Variants in GPM6A observed in about 807,000 individuals in gnomAD.
GPM6A encodes the protein neuronal membrane glycoprotein M6-a.
Under a neutral mutation model 32.1 loss-of-function variants are expected in GPM6A, and 7 were observed. The observed-to-expected ratio is 0.22, with a 90% CI of 0.12 to 0.41. The LOEUF is 0.41. Among genes scored for constraint, GPM6A ranks in the 10% least tolerant of loss-of-function variants. The probability of loss-of-function intolerance (pLI) is 1.00; values close to 1 mark genes in which losing one functional copy is unlikely to be tolerated. For missense variants in GPM6A, 235 were observed against 347.2 expected (o/e 0.68, Z 2.57); for synonymous variants, 130 against 123.4 (o/e 1.05, Z -0.35).
chr4:175,880,921 T>G (rs1022338189), intron 1 of GPM6A, among the ~76,000 whole-genome samples: 1 of 152,136 alleles, frequency 6.6e-6, no homozygotes, highest in Non-Finnish European at 1.5e-5. Context: ...TCCAACACTA[T>G]GTTGAATAGG....
chr4:175,721,032 C>CATATAT lies in GPM6A; in HGVS notation c.38-19271_38-19266dup, dbSNP rs954188098. Reference sequence around the variant, plus strand: ...TTTCTAGTATATATATATACTAGTACATATATATTATATATATATATGTAC... The same window carrying CATATAT: ...TTTCTAGTATATATATATACTAGTACATATATATATATATTATATATATATATGTAC... On this transcript the variant is annotated intron_variant, in intron 1 of 6. Coordinates refer to ENST00000393658, the MANE Select transcript of GPM6A (RefSeq NM_201591.3). Among the ~76,000 whole-genome samples the CATATAT allele has an allele frequency of 2.5e-5, 3 of 118,432 alleles. No individual in the cohort carries two copies. The East Asian group carries it at 6.9e-4, about 27-fold the overall frequency. The allele number at this position is 118,432 out of a possible 152,430, so 77.7% of individuals were successfully genotyped here.
At chr4:175,754,333 A>C (rs1463033497) in intron 1 of GPM6A, among the ~76,000 whole-genome samples, 1 of 152,128 alleles carries the variant, frequency 6.6e-6, no homozygotes, top group Non-Finnish European at 1.5e-5. Flanking sequence ...GAGAGGGATT[A>C]AGGTATTGAA....
chr4:175,812,453 T>A (rs1345802061), upstream of GPM6A: 5 of 1,271,608 alleles, frequency 3.9e-6, no homozygotes, highest in Non-Finnish European at 4.9e-6. Context: ...TCATTCAAAT[T>A]ACTCTTCCGT....
At chr4:175,893,001 C>T (rs2111478957) in intron 1 of GPM6A, among the ~76,000 whole-genome samples, 1 of 152,288 alleles carries the variant, frequency 6.6e-6, no homozygotes, top group East Asian at 1.9e-4. Context: ...GACCACTGTT[C>T]TGCTCCCTTT....
chr4:175,661,529 T>C (rs1742416458), intron 3 of GPM6A, among the ~76,000 whole-genome samples: 1 of 152,046 alleles, frequency 6.6e-6, no homozygotes, highest in African/African-American at 2.4e-5. Flanking sequence ...CATGCTAAAA[T>C]GTAATTATTG....
chr4:175,943,607 C>G (rs1739487446), intron 1 of GPM6A, among the ~76,000 whole-genome samples: 1 of 152,182 alleles, frequency 6.6e-6, no homozygotes, highest in East Asian at 1.9e-4. Context: ...TGAATTTTAT[C>G]GAAGGCCTTT....
chr4:175,757,644 T>G (rs1015019502), intron 1 of GPM6A, among the ~76,000 whole-genome samples: 3 of 152,136 alleles, frequency 2.0e-5, no homozygotes, highest in African/African-American at 7.2e-5. Flanking sequence ...CAACCCATCA[T>G]GTACACAATC....
intron 1 of GPM6A, among the ~76,000 whole-genome samples, chr4:175,785,244 C>G (rs922321881): frequency 6.6e-6 from 1 of 152,130 alleles, no homozygotes; most frequent in African/African-American, 2.4e-5. Context: ...GGAATTCTGG[C>G]GCGGAGTCTC....
intron 1 of GPM6A, among the ~76,000 whole-genome samples, chr4:175,993,909 TG>T (rs1377380065): frequency 6.6e-6 from 1 of 152,226 alleles, no homozygotes; most frequent in African/African-American, 2.4e-5. Context: ...GCAACTTACT[TG>T]TAGCTTTACC....
chr4:175,893,877 GT>G (rs1216977410), intron 1 of GPM6A, among the ~76,000 whole-genome samples: 1 of 151,912 alleles, frequency 6.6e-6, no homozygotes, highest in East Asian at 1.9e-4. Context: ...CTAAAACTCG[GT>G]AAGAAAAAGC....
chr4:175,724,477 G>A (rs1171658712), intron 1 of GPM6A, among the ~76,000 whole-genome samples: 2 of 152,140 alleles, frequency 1.3e-5, no homozygotes, highest in East Asian at 1.9e-4. Context: ...CCCAGAAGGC[G>A]GAGGTTGCAG....
At chr4:175,811,354 C>T (rs892266510) in intron 1 of GPM6A, among the ~76,000 whole-genome samples, 1 of 152,082 alleles carries the variant, frequency 6.6e-6, no homozygotes, top group Non-Finnish European at 1.5e-5. Flanking sequence ...ATTACATAAG[C>T]CCGACAGCAG....
intron 1 of GPM6A, among the ~76,000 whole-genome samples, chr4:175,737,186 G>C (rs1225191519): frequency 1.3e-5 from 2 of 152,100 alleles, no homozygotes; most frequent in African/African-American, 4.8e-5. Flanking sequence ...AGCACTTCTT[G>C]GTCACTGTAT....
intron 1 of GPM6A, among the ~76,000 whole-genome samples, chr4:175,934,113 A>C (rs1739146379): frequency 1.3e-5 from 2 of 152,200 alleles, no homozygotes; most frequent in South Asian, 4.1e-4. Flanking sequence ...TTGACCAGCA[A>C]AGAATAAAAG....
intron 1 of GPM6A, among the ~76,000 whole-genome samples, chr4:175,936,194 T>C (rs1051854886): frequency 1.5e-4 from 22 of 148,794 alleles, no homozygotes; most frequent in Non-Finnish European, 2.5e-4. Flanking sequence ...TAGTTCCAGC[T>C]ACTCGGGAGG....
chr4:175,940,036 T>C (rs1239834878), intron 1 of GPM6A, among the ~76,000 whole-genome samples: 1 of 152,206 alleles, frequency 6.6e-6, no homozygotes, highest in East Asian at 1.9e-4. Flanking sequence ...AGTGATGCAG[T>C]AGTTCATTTA....
At chr4:175,637,618 A>T (rs1211961461) in intron 6 of GPM6A, among the ~76,000 whole-genome samples, 2 of 23,100 alleles carry the variant, frequency 8.7e-5, no homozygotes, top group East Asian at 2.9e-3. Context: ...ATAATATATA[A>T]TATATATTAT....
At chr4:175,948,651 A>G (rs772088245) in intron 1 of GPM6A, among the ~76,000 whole-genome samples, 1 of 152,240 alleles carries the variant, frequency 6.6e-6, no homozygotes, top group Non-Finnish European at 1.5e-5. Flanking sequence ...AAACACAAAT[A>G]TATCATATGG....
At chr4:175,915,740 C>T (rs550179345) in intron 1 of GPM6A, among the ~76,000 whole-genome samples, 11 of 152,256 alleles carry the variant, frequency 7.2e-5, no homozygotes, top group African/African-American at 2.6e-4. Flanking sequence ...ACTGGCAATA[C>T]TCAGGGTATG....
Sources: gnomAD v4.1 joint callset for allele counts (sites outside exome capture counted in the v4.1 genomes callset) on GRCh38, gnomAD v4.1.1 for gene constraint, MANE v1.5 for transcripts, NCBI Gene and HGNC (gene_info 2026-07-23, HGNC 2026-07-21) for gene names.